UBE2J1: variants seen among roughly 807,000 people sequenced by gnomAD.
UBE2J1 encodes ubiquitin-conjugating enzyme E2 J1.
Under a neutral mutation model 42.1 loss-of-function variants are expected in UBE2J1, and 17 were observed. The ratio of observed to expected loss-of-function variants is 0.40; its 90% confidence interval spans 0.28 to 0.61. The LOEUF (loss-of-function observed/expected upper bound fraction) is 0.61, where lower values mean the gene tolerates loss of function less well. Ranked by LOEUF, UBE2J1 falls within the 20% of genes least tolerant of loss-of-function variation. The pLI is 0.38. For missense variants in UBE2J1, 291 were observed against 389.4 expected (o/e 0.75, Z 2.13); for synonymous variants, 127 against 137.2 (o/e 0.93, Z 0.52).
intron 3 of UBE2J1, among the ~76,000 whole-genome samples, chr6:89,338,894 T>C (rs1335971188): frequency 6.6e-6 from 1 of 152,022 alleles, no homozygotes; most frequent in African/African-American, 2.4e-5. Context: ...CTCGATATCC[T>C]GACCTTGTGA....
intron 3 of UBE2J1, among the ~76,000 whole-genome samples, chr6:89,341,199 G>A (rs1768240978): frequency 6.6e-6 from 1 of 152,254 alleles, no homozygotes; most frequent in South Asian, 2.1e-4. Flanking sequence ...ACTGGTCTCT[G>A]AGATTGGTGT....
At chr6:89,337,303 C>T (rs1043178166) in intron 5 of UBE2J1, among the ~76,000 whole-genome samples, 5 of 149,248 alleles carry the variant, frequency 3.4e-5, no homozygotes, top group African/African-American at 1.2e-4. Flanking sequence ...CGTAGTAAAT[C>T]GAATGAAAAC....
chr6:89,330,449 C>A (rs1228733954), intron 7 of UBE2J1, among the ~76,000 whole-genome samples: 4 of 151,988 alleles, frequency 2.6e-5, no homozygotes, highest in African/African-American at 9.7e-5. Context: ...ACGTGCCCAG[C>A]CTCAGATGCC....
intron 7 of UBE2J1, among the ~76,000 whole-genome samples, chr6:89,331,534 A>C (rs1194858264): frequency 6.6e-6 from 1 of 152,220 alleles, no homozygotes; most frequent in East Asian, 1.9e-4. Context: ...ATCAACAAAC[A>C]AACATTGGCA....
In UBE2J1 at chr6:89,328,219, G is replaced by A. The variant is rs189619054; in HGVS notation, c.*1460C>T. 1.6e-3 allele frequency: 243 copies of A among 152,266 alleles called. 2 individuals carry two copies. The highest frequency in any genetic ancestry group is 5.5e-3 in the African/African-American group (230 of 41,562). 9.4% of individuals were successfully genotyped at this position (152,266 alleles called of 1,614,324 possible). A position where few individuals can be genotyped will look rare whatever the true frequency, so the allele number is the denominator to read the frequency against. ...GTGTCTGACAGTTAATAGAACGAAT[G>A]TCCCATAAACAGGAGTAAAAATTAA... On this transcript the variant is annotated 3_prime_UTR_variant, in exon 8 of 8. Transcript: ENST00000435041.
intron 5 of UBE2J1, among the ~76,000 whole-genome samples, chr6:89,335,970 ACTCAG>A (rs1029416866): frequency 2.6e-5 from 4 of 152,164 alleles, no homozygotes; most frequent in African/African-American, 9.7e-5. Flanking sequence ...TTAGGTAGAG[ACTCAG>A]GATATGTCTG....
At chr6:89,337,199 A>ATTCT (rs1768124387) in intron 5 of UBE2J1, among the ~76,000 whole-genome samples, 3 of 151,362 alleles carry the variant, frequency 2.0e-5, no homozygotes, top group African/African-American at 7.3e-5. Flanking sequence ...ATACAGTGAG[A>ATTCT]AGCCTAGAAG....
intron 5 of UBE2J1, among the ~76,000 whole-genome samples, chr6:89,336,530 C>A (rs1429949590): frequency 1.3e-5 from 2 of 149,438 alleles, no homozygotes; most frequent in Non-Finnish European, 3.0e-5. Context: ...ACAGTGTCTC[C>A]CTGTGTTATC....
chr6:89,338,728 T>G (rs1311413996), intron 3 of UBE2J1, among the ~76,000 whole-genome samples, 185 bp from the exon 4 acceptor site: 2 of 139,114 alleles, frequency 1.4e-5, no homozygotes, highest in South Asian at 2.3e-4. Flanking sequence ...TGCAGTGGTG[T>G]GATATCAGCT....
At chr6:89,342,825 T>G (rs949656809) in intron 2 of UBE2J1, among the ~76,000 whole-genome samples, 2 of 152,214 alleles carry the variant, frequency 1.3e-5, no homozygotes, top group Admixed American at 6.5e-5. Context: ...TTTTAACAAA[T>G]CTTTAAAAAT....
chr6:89,337,444 C>G (rs749352785), intron 5 of UBE2J1, among the ~76,000 whole-genome samples: 2 of 151,996 alleles, frequency 1.3e-5, no homozygotes, highest in Non-Finnish European at 2.9e-5. Flanking sequence ...CCAAATCTTC[C>G]AGATGCTAAA....
chr6:89,330,016 G>C (rs943595288), intron 7 of UBE2J1, 59 bp from the exon 8 acceptor site: 5 of 1,515,336 alleles, frequency 3.3e-6, no homozygotes, highest in Non-Finnish European at 3.6e-6. Flanking sequence ...AAATACACTT[G>C]TTATCTATTC....
chr6:89,330,537 A>G (rs1767990797), intron 7 of UBE2J1, among the ~76,000 whole-genome samples: 1 of 152,022 alleles, frequency 6.6e-6, no homozygotes, highest in Non-Finnish European at 1.5e-5. Context: ...ATTTAAAACA[A>G]TCATACAGCA....
intron 2 of UBE2J1, 50 bp downstream of exon 2, chr6:89,343,633 T>G (rs1336075387): frequency 7.0e-7 from 1 of 1,432,234 alleles, no homozygotes; most frequent in South Asian, 1.3e-5. Flanking sequence ...TTTAAAAAAT[T>G]TGTTTTAAAT....
At chr6:89,344,268 G>A (rs906173330) in intron 1 of UBE2J1, among the ~76,000 whole-genome samples, 11 of 152,142 alleles carry the variant, frequency 7.2e-5, no homozygotes, top group African/African-American at 2.7e-4. Flanking sequence ...TCGGTGAACA[G>A]GAAACACCTC....
At chr6:89,350,021 C>T (rs1407366254) in intron 1 of UBE2J1, among the ~76,000 whole-genome samples, 1 of 152,094 alleles carries the variant, frequency 6.6e-6, no homozygotes, top group Non-Finnish European at 1.5e-5. Context: ...GATCCATAGA[C>T]AACTACTGCT....
intron 6 of UBE2J1, among the ~76,000 whole-genome samples, chr6:89,334,764 G>A (rs1163035292): frequency 3.3e-5 from 5 of 152,058 alleles, no homozygotes; most frequent in African/African-American, 9.7e-5. Flanking sequence ...CACCGCGCCC[G>A]GCCATCATTT....
At chr6:89,351,909 G>T (rs1214650320) in intron 1 of UBE2J1, among the ~76,000 whole-genome samples, 2 of 152,200 alleles carry the variant, frequency 1.3e-5, no homozygotes, top group African/African-American at 4.8e-5. Context: ...GAATCGCTAC[G>T]ACTGAATACA....
rs17798549 is a variant in UBE2J1, at chr6:89,329,625, T to G, written c.*54A>C. On this transcript the variant is annotated 3_prime_UTR_variant, in exon 8 of 8. Transcript: ENST00000435041. The stretch of plus-strand genomic sequence containing the variant: ...TAAACAATTCTTAGATTATACCCAA[T>G]GCAGAATGTTTAATGAAGCAGTTGA... 52,151 of 1,567,634 alleles carry G rather than the reference T, an allele frequency of 0.033. 1,040 individuals carry two copies. Among genetic ancestry groups the G allele is most frequent in the Non-Finnish European group, 0.041 (46,306 of 1,141,326 alleles).
Sources: allele counts gnomAD v4.1 joint callset (sites outside exome capture counted in the v4.1 genomes callset), GRCh38; gene constraint gnomAD v4.1.1; transcripts MANE v1.5; gene names NCBI Gene and HGNC (gene_info 2026-07-23, HGNC 2026-07-21).